ANXA3: variants seen among roughly 807,000 people sequenced by gnomAD.
ANXA3 encodes annexin A3.
Under a neutral mutation model 48.8 loss-of-function variants are expected in ANXA3, and 46 were observed. The observed-to-expected ratio is 0.94, with a 90% CI of 0.74 to 1.21. The LOEUF (loss-of-function observed/expected upper bound fraction) is 1.21, where lower values mean the gene tolerates loss of function less well. Ranked by LOEUF, ANXA3 falls within the 50% of genes most tolerant of loss-of-function variation. ANXA3 has a pLI of 0.00. For synonymous variants in ANXA3, 128 were observed against 134.7 expected (o/e 0.95, Z 0.35); for missense variants, 383 against 378.6 (o/e 1.01, Z -0.10).
Position 78,579,268 on chromosome 4 carries a change from C to T in ANXA3, c.198+147C>T, listed in dbSNP as rs574393343. On this transcript the variant is annotated intron_variant, in intron 4 of 12. Transcript: ENST00000264908. ...CCAGTCAGGAGCCTGGAATCTGAGT[C>T]GTGGTTTTGCCTTGAACTAGCTGAC... is the stretch of plus-strand genomic sequence containing the variant. 124 of 537,348 alleles carry T rather than the reference C, an allele frequency of 2.3e-4. No homozygotes were observed. In the South Asian group the frequency reaches 3.5e-3, roughly 15 times the overall value. The allele number at this position is 537,348 out of a possible 1,614,324, so 33.3% of individuals were successfully genotyped here.
intron 4 of ANXA3, among the ~76,000 whole-genome samples, chr4:78,581,875 A>G (rs557811166): frequency 5.3e-5 from 8 of 152,260 alleles, no homozygotes; most frequent in Admixed American, 5.2e-4. Context: ...CCTTACCCCA[A>G]TCTAAGCATT....
In ANXA3 at chr4:78,557,268, C is replaced by T. The variant is rs538550361; in HGVS notation, c.15+2780C>T. The stretch of plus-strand genomic sequence containing the variant: ...CAAATCTTACTTATGCTTGGAATCT[C>T]TTTGGCTTTTCTTTCTGGGGGATCT... On this transcript the variant is annotated intron_variant, in intron 2 of 12. Coordinates refer to ENST00000264908, the MANE Select transcript of ANXA3 (RefSeq NM_005139.3). Among the ~76,000 whole-genome samples the T allele has an allele frequency of 2.6e-4, 40 of 152,270 alleles. No homozygotes were observed. The South Asian group carries it at 7.9e-3, about 30-fold the overall frequency.
intron 4 of ANXA3, among the ~76,000 whole-genome samples, chr4:78,580,329 C>T (rs1159332116): frequency 6.6e-6 from 1 of 151,920 alleles, no homozygotes. Context: ...ATATAAAAGC[C>T]CTGAAGCAAA....
intron 6 of ANXA3, 63 bp from the exon 7 acceptor site, chr4:78,591,481 C>A: frequency 8.7e-7 from 1 of 1,149,378 alleles, no homozygotes; most frequent in Non-Finnish European, 1.3e-6. Flanking sequence ...TTAAACTTTT[C>A]TCTGTTTTAT....
intron 12 of ANXA3, among the ~76,000 whole-genome samples, chr4:78,607,834 T>C (rs1293046607): frequency 6.6e-6 from 1 of 152,168 alleles, no homozygotes; most frequent in Admixed American, 6.6e-5. Context: ...GTGTTGAGTG[T>C]CTCCTGTGGG....
chr4:78,597,023 A>C, intron 9 of ANXA3: 1 of 221,054 alleles, frequency 4.5e-6, no homozygotes, highest in South Asian at 7.2e-5. Context: ...TTACTGGATA[A>C]ATTATTTATT....
chr4:78,596,248 C>A (rs999438804), intron 9 of ANXA3, among the ~76,000 whole-genome samples: 6 of 152,196 alleles, frequency 3.9e-5, no homozygotes, highest in African/African-American at 1.4e-4. Flanking sequence ...CCTAGTTAGC[C>A]ACTTCCAGAA....
intron 1 of ANXA3, among the ~76,000 whole-genome samples, chr4:78,553,708 T>C (rs1722448974): frequency 6.6e-6 from 1 of 152,186 alleles, no homozygotes; most frequent in African/African-American, 2.4e-5. Context: ...CAGAGACTAA[T>C]AGTGTAATTT....
intron 2 of ANXA3, among the ~76,000 whole-genome samples, chr4:78,569,726 C>A (rs1435244704): frequency 6.6e-6 from 1 of 152,220 alleles, no homozygotes; most frequent in East Asian, 1.9e-4. Context: ...GATGCTGATG[C>A]AGCTGCTTCA....
intron 7 of ANXA3, among the ~76,000 whole-genome samples, chr4:78,592,462 G>A (rs932599264): frequency 2.0e-5 from 3 of 152,176 alleles, no homozygotes; most frequent in Non-Finnish European, 4.4e-5. Context: ...AACTTATGAA[G>A]GTTGAACCCA....
intron 2 of ANXA3, among the ~76,000 whole-genome samples, chr4:78,566,913 A>T (rs940806251): frequency 6.6e-6 from 1 of 152,250 alleles, no homozygotes; most frequent in East Asian, 1.9e-4. Flanking sequence ...CTTTGGACAC[A>T]TTATGAACAA....
chr4:78,554,305 T>C (rs1722464757), intron 1 of ANXA3, 131 bp from the exon 2 acceptor site: 2 of 668,194 alleles, frequency 3.0e-6, no homozygotes, highest in African/African-American at 1.8e-5. Context: ...GTCAGATATA[T>C]GCTCTTCCTG....
At chr4:78,608,374 G>A (rs1043230375) in intron 12 of ANXA3, among the ~76,000 whole-genome samples, 6 of 152,130 alleles carry the variant, frequency 3.9e-5, no homozygotes, top group Admixed American at 2.6e-4. Flanking sequence ...GCCTCATGGT[G>A]GAGGAAGCAT....
At chr4:78,608,084 A>G (rs1324936245) in intron 12 of ANXA3, among the ~76,000 whole-genome samples, 1 of 152,138 alleles carries the variant, frequency 6.6e-6, no homozygotes, top group East Asian at 1.9e-4. Flanking sequence ...ATATTATCAA[A>G]TGCATATTAT....
At chr4:78,603,613 G>C (rs1723589458) in intron 11 of ANXA3, 1 of 152,148 alleles carries the variant, frequency 6.6e-6, no homozygotes, top group African/African-American at 2.4e-5. Flanking sequence ...TGCAGTCAAA[G>C]TGATTTTCTG....
intron 2 of ANXA3, among the ~76,000 whole-genome samples, chr4:78,559,072 TTTTC>T (rs1016251415): frequency 2.0e-5 from 3 of 152,070 alleles, no homozygotes; most frequent in Non-Finnish European, 2.9e-5. Context: ...GTACTAGAAT[TTTTC>T]TTTCTTTATT....
intron 12 of ANXA3, among the ~76,000 whole-genome samples, chr4:78,606,087 C>T (rs1723640247): frequency 6.6e-6 from 1 of 152,260 alleles, no homozygotes; most frequent in African/African-American, 2.4e-5. Context: ...ACTGTCCTTG[C>T]CTCCAAGGCC....
At chr4:78,556,665 G>C (rs1722517122) in intron 2 of ANXA3, among the ~76,000 whole-genome samples, 1 of 152,120 alleles carries the variant, frequency 6.6e-6, no homozygotes. Flanking sequence ...CTTCTCACTG[G>C]CTAGGAGGCT....
chr4:78,566,259 A>G (rs1167095217), intron 2 of ANXA3, among the ~76,000 whole-genome samples: 1 of 152,138 alleles, frequency 6.6e-6, no homozygotes, highest in East Asian at 1.9e-4. Context: ...AATCTCATTC[A>G]TCTTTCTACT....
Sources: gnomAD v4.1 joint callset for allele counts (sites outside exome capture counted in the v4.1 genomes callset) on GRCh38, gnomAD v4.1.1 for gene constraint, MANE v1.5 for transcripts, NCBI Gene and HGNC (gene_info 2026-07-23, HGNC 2026-07-21) for gene names.